MICAL1: variants seen among roughly 807,000 people sequenced by gnomAD.
MICAL1 encodes [F-actin]-monooxygenase MICAL1.
In MICAL1, 95 loss-of-function variants were observed where a neutral mutation model predicts 131.8. The observed-to-expected ratio is 0.72, with a 90% CI of 0.61 to 0.86. The LOEUF (loss-of-function observed/expected upper bound fraction) is 0.86, where lower values mean the gene tolerates loss of function less well. MICAL1 is among the 40% of genes least tolerant of loss of function. The pLI, the probability that MICAL1 is intolerant of heterozygous loss-of-function variation, is 0.00. For synonymous variants in MICAL1, 546 were observed against 554.2 expected, an observed-to-expected ratio of 0.99 and a Z score of 0.21; for missense variants, 1,292 against 1,380.6, an observed-to-expected ratio of 0.94 and a Z score of 1.02.
chr6:109,446,094 C>T (rs768985779), intron 19 of MICAL1, 42 bp downstream of exon 19: 4 of 1,522,044 alleles, frequency 2.6e-6, no homozygotes, highest in Non-Finnish European at 3.5e-6. Context: ...GTGCTCCCAC[C>T]CTGTCCCACC....
At position 109,447,138 on chromosome 6, in the gene MICAL1, C is replaced by T; in HGVS notation, c.2162G>A (p.Cys721Tyr). ...CVNGHFFHRS[C>Y]FRCHTCEATL... ...GGCCTCACAGGTATGGCAGCGGAAG[C>T]AGCTCCGGTGGAAGAAATGGCCGTT... The change falls in exon 17 of 25, where the codon TGC (cysteine) becomes TAC (tyrosine). Residue 721 changes from cysteine to tyrosine, a missense_variant. Cys to Tyr is a radical substitution (Grantham distance 194). Transcript: ENST00000358807. The T allele has an allele frequency of 1.9e-6, 3 of 1,614,202 alleles. No homozygotes were observed. Among genetic ancestry groups the T allele is most frequent in the Non-Finnish European group, 1.7e-6 (2 of 1,180,036 alleles).
chr6:109,448,494 G>C, intron 12 of MICAL1, 101 bp from the exon 13 acceptor site: 1 of 1,385,364 alleles, frequency 7.2e-7, no homozygotes, highest in South Asian at 1.2e-5. Context: ...CAGCAGCTGG[G>C]GTACAAGAAG....
At position 109,445,267 on chromosome 6, in the gene MICAL1, C is replaced by T. The variant is rs762887944; in HGVS notation, c.2811G>A (p.Glu937=). The T allele has an allele frequency of 1.2e-5, 19 of 1,614,038 alleles. No individual in the cohort carries two copies. The East Asian group carries it at 3.6e-4, about 30-fold the overall frequency. Residue 937 remains glutamate (E), a synonymous_variant, in exon 22 of 25, where the codon GAG becomes GAA. Transcript: ENST00000358807. Reference sequence around the variant, plus strand: ...CTAGCTCCCTCAAGGCAGCCTCAATCTCATTTAGTCGCCGTTGGATGGTCT... The same window carrying T: ...CTAGCTCCCTCAAGGCAGCCTCAATTTCATTTAGTCGCCGTTGGATGGTCT... The part of the protein sequence containing the change: ...KAQTIQRRLN[E]IEAALRELEA...
chr6:109,449,480 A>G lies in MICAL1; in HGVS notation c.1436T>C (p.Val479Ala), dbSNP rs1288047242. The change falls in exon 11 of 25, where the codon GTA becomes GCA. Residue 479 changes from valine to alanine, a missense_variant and splice_region_variant. Physicochemically the swap from Val to Ala is moderately conservative, Grantham distance 64. Transcript: ENST00000358807. ...LNLRAVTPNQ[V>A]RDLYDVLAKE... is the part of the protein sequence containing the mutation. Reference sequence around the variant, plus strand: ...GGCTAGCACATCATACAGGTCTCGTACCTAAGGCAGCCCCGCTCAGGTCTC... The same window carrying G: ...GGCTAGCACATCATACAGGTCTCGTGCCTAAGGCAGCCCCGCTCAGGTCTC... 6.2e-7 allele frequency: 1 copy of G among 1,613,988 alleles called. No homozygotes were observed. Among genetic ancestry groups the G allele is most frequent in the Admixed American group, 1.7e-5 (1 of 60,002 alleles).
At position 109,453,781 on chromosome 6, in the gene MICAL1, G is replaced by T. The variant is rs1347312743; in HGVS notation, c.323C>A (p.Ala108Asp). The change falls in exon 3 of 25, where the codon GCC (alanine) becomes GAC (aspartate). Residue 108 changes from alanine to aspartate, a missense_variant. Ala to Asp is a moderately radical substitution (Grantham distance 126). Transcript: ENST00000358807. ...RVAVELALLG[A>D]RVVLVEKRTK... Reference sequence around the variant, plus strand: ...GCGCTTTTCCACCAGCACCACTCGGGCCCCCAGCAGCGCCAGCTCCACAGC... The same window carrying T: ...GCGCTTTTCCACCAGCACCACTCGGTCCCCCAGCAGCGCCAGCTCCACAGC... 8 of 1,613,668 alleles carry T rather than the reference G, an allele frequency of 5.0e-6. No individual in the cohort carries two copies. Among genetic ancestry groups the T allele is most frequent in the Non-Finnish European group, 5.9e-6 (7 of 1,179,988 alleles).
intron 20 of MICAL1, 45 bp from the exon 21 acceptor site, chr6:109,445,574 G>A: frequency 3.7e-6 from 6 of 1,601,108 alleles, no homozygotes; most frequent in Non-Finnish European, 5.1e-6. Context: ...TGGGCCCCCT[G>A]GTGGATAGGA....
Position 109,445,278 on chromosome 6 carries a change from G to A in MICAL1, c.2800C>T (p.Arg934Ter), listed in dbSNP as rs756184234. ...AAGGCAGCCTCAATCTCATTTAGTCGCCGTTGGATGGTCTGAGGGGTACAA... is the reference window on the plus strand; with the variant it reads ...AAGGCAGCCTCAATCTCATTTAGTCACCGTTGGATGGTCTGAGGGGTACAA... ...RFCKAQTIQR[R>*]LNEIEAALRE... Residue 934 changes from arginine to a stop codon, truncating the protein, a stop_gained, in exon 22 of 25, where the codon CGA (arginine) becomes TGA (stop). Coordinates refer to ENST00000358807, the MANE Select transcript of MICAL1 (RefSeq NM_022765.4). LOFTEE classifies it high-confidence loss of function. 9.3e-6 allele frequency: 15 copies of A among 1,614,088 alleles called. No homozygotes were observed. Among genetic ancestry groups the A allele is most frequent in the Middle Eastern group, 1.7e-4 (1 of 6,060 alleles).
chr6:109,447,818 G>T (rs1775304548), intron 14 of MICAL1, 57 bp downstream of exon 14: 1 of 1,610,964 alleles, frequency 6.2e-7, no homozygotes, highest in African/African-American at 1.3e-5. Flanking sequence ...GATCTCCACT[G>T]GGTACCCCCC....
chr6:109,446,581 A>G (rs529683752), intron 18 of MICAL1, 115 bp downstream of exon 18: 2 of 1,364,222 alleles, frequency 1.5e-6, no homozygotes, highest in Admixed American at 3.9e-5. Flanking sequence ...CTGCCTTCAC[A>G]GAGCTTACAT....
Position 109,453,683 on chromosome 6 carries a change from T to C in MICAL1, c.421A>G (p.Lys141Glu). 6.2e-7 allele frequency: 1 copy of C among 1,613,764 alleles called. No homozygotes were observed. Among genetic ancestry groups the C allele is most frequent in the Non-Finnish European group, 8.5e-7 (1 of 1,179,906 alleles). The change falls in exon 3 of 25, where the codon AAG becomes GAG. Residue 141 changes from lysine (K) to glutamate (E), a missense_variant. Coordinates refer to ENST00000358807, the MANE Select transcript of MICAL1 (RefSeq NM_022765.4). ...TIHDLRALGA[K>E]KFYGRFCTGT... ...GTGCAGAAGCGCCCGTAGAACTTCTTAGCACCGAGTGCCCGCAGGTCGTGG... is the reference window on the plus strand; with the variant it reads ...GTGCAGAAGCGCCCGTAGAACTTCTCAGCACCGAGTGCCCGCAGGTCGTGG...
chr6:109,461,327 T>A (rs1220450435), intron 1 of MICAL1, among the ~76,000 whole-genome samples: 1 of 152,228 alleles, frequency 6.6e-6, no homozygotes, highest in East Asian at 1.9e-4. Flanking sequence ...CCATGGTGTA[T>A]ATGTGCCACA....
Position 109,446,342 on chromosome 6 carries a change from G to A in MICAL1, c.2375C>T (p.Ala792Val), listed in dbSNP as rs1163458825. ...LSTPTASQEGAGPVPDPSQPT... is the reference protein window; with the variant it reads ...LSTPTASQEGVGPVPDPSQPT... Reference sequence around the variant, plus strand: ...CTGGCTGGGATCTGGAACAGGACCGGCCCCCTCCTGCGAGGCTGTGGGAGT... The same window carrying A: ...CTGGCTGGGATCTGGAACAGGACCGACCCCCTCCTGCGAGGCTGTGGGAGT... The change falls in exon 19 of 25, where the codon GCC becomes GTC. Residue 792 changes from alanine to valine, a missense_variant. Transcript: ENST00000358807. 3.7e-6 allele frequency: 6 copies of A among 1,613,498 alleles called. No individual in the cohort carries two copies. The highest frequency in any genetic ancestry group is 5.1e-6 in the Non-Finnish European group (6 of 1,179,914).
At chr6:109,446,962 G>T in intron 17 of MICAL1, 111 bp downstream of exon 17, 1 of 1,383,204 alleles carries the variant, frequency 7.2e-7, no homozygotes, top group Non-Finnish European at 9.9e-7. Context: ...TCAGGAGAAC[G>T]AAGTGCCATC....
chr6:109,458,933 G>A (rs144319631), upstream of MICAL1, among the ~76,000 whole-genome samples: 1 of 152,214 alleles, frequency 6.6e-6, no homozygotes, highest in Non-Finnish European at 1.5e-5. Flanking sequence ...GGTGTAGAGA[G>A]TGCCATGAGA....
intron 1 of MICAL1, chr6:109,462,530 A>G (rs1582663550): frequency 6.6e-6 from 1 of 152,260 alleles, no homozygotes. Flanking sequence ...TTACATTCCC[A>G]TTTATGAAAA....
upstream of MICAL1, among the ~76,000 whole-genome samples, chr6:109,459,081 G>A (rs1274439271): frequency 6.6e-6 from 1 of 152,152 alleles, no homozygotes; most frequent in South Asian, 2.1e-4. Flanking sequence ...TATGTTTGGG[G>A]AACACCAAGG....
In MICAL1 at chr6:109,453,960, GC is replaced by G. The variant is rs747272861; in HGVS notation, c.236del (p.Gly79AlafsTer87). ...CCACCTTGGTGCTGGTGCAGGCCCG[GC>G]CCTGCTGGTAGACAGGCTGGCCTGC... Reference protein sequence around the residue: ...KRAGQPVYQQGRACTSTKCLV... With the variant: ...KRAGQPVYQQXRACTSTKCLV... On this transcript the variant is annotated frameshift_variant, in exon 2 of 25. Coordinates refer to ENST00000358807, the MANE Select transcript of MICAL1 (RefSeq NM_022765.4). LOFTEE classifies it high-confidence loss of function. 1 of 1,613,886 alleles carries G rather than the reference GC, an allele frequency of 6.2e-7. No individual in the cohort carries two copies. Among genetic ancestry groups the G allele is most frequent in the Non-Finnish European group, 8.5e-7 (1 of 1,179,940 alleles).
rs1775610093 is a variant in MICAL1 at position 109,453,163 on chromosome 6, A to G, written c.571+100T>C. The G allele has an allele frequency of 3.1e-6, 3 of 959,288 alleles. No individual in the cohort carries two copies. The South Asian group carries it at 4.4e-5, about 14-fold the overall frequency. 59.4% of individuals were successfully genotyped at this position (959,288 alleles called of 1,614,324 possible). On this transcript the variant is annotated intron_variant, in intron 4 of 24. Coordinates refer to ENST00000358807, the MANE Select transcript of MICAL1 (RefSeq NM_022765.4). ...TGACAGAACGAGACTCTGTCTCAAA[A>G]CAAAAACAGAAAAGGACACTCCTGG...
At chr6:109,459,925 A>C (rs1775844179), upstream of MICAL1, among the ~76,000 whole-genome samples, 1 of 152,232 alleles carries the variant, frequency 6.6e-6, no homozygotes, top group Non-Finnish European at 1.5e-5. Context: ...AGTCATATGA[A>C]TGAACTAAAA....
Sources: allele counts gnomAD v4.1 joint callset (sites outside exome capture counted in the v4.1 genomes callset), GRCh38; gene constraint gnomAD v4.1.1; transcripts MANE v1.5; gene names NCBI Gene and HGNC (gene_info 2026-07-23, HGNC 2026-07-21).